The following CSMD1 variants were observed in gnomAD, a reference collection of about 807,000 sequenced individuals.
CSMD1 encodes the protein CUB and sushi domain-containing protein 1.
CSMD1 carries 213 observed loss-of-function variants against 417.5 expected under a neutral mutation model. The ratio of observed to expected loss-of-function variants is 0.51; its 90% CI spans 0.46 to 0.57. The LOEUF (loss-of-function observed/expected upper bound fraction) is 0.57, where lower values mean the gene tolerates loss of function less well. Among genes scored for constraint, CSMD1 ranks in the 20% least tolerant of loss-of-function variants. CSMD1 has a pLI of 0.00. For missense variants in CSMD1, 6,923 were observed against 4,529.7 expected (o/e 1.53, Z -15.17); for synonymous variants, 2,862 against 1,736.8 (o/e 1.65, Z -16.11).
chr8:4,585,908 T>C (rs535683304), intron 2 of CSMD1, among the ~76,000 whole-genome samples: 2 of 152,340 alleles, frequency 1.3e-5, no homozygotes, highest in South Asian at 2.1e-4. Context: ...TGTAAGCTGA[T>C]GGGAAAATTA....
In CSMD1 at chr8:4,553,110, C is replaced by T. The variant is rs537474077; in HGVS notation, c.302+84232G>A. 7.2e-5 allele frequency among the ~76,000 whole-genome samples: 11 copies of T among 152,312 alleles called. No individual in the cohort carries two copies. The East Asian group carries it at 1.2e-3, about 16-fold the overall frequency. On this transcript the variant is annotated intron_variant, in intron 2 of 69. Coordinates refer to ENST00000635120, the MANE Select transcript of CSMD1 (RefSeq NM_033225.6). ...AATTACTTCTTTCAAAGATAGTTTT[C>T]GAGGTACCTATGAGCCCCGTACCTT...
At chr8:3,627,082 G>C (rs1348619956) in intron 7 of CSMD1, among the ~76,000 whole-genome samples, 1 of 152,080 alleles carries the variant, frequency 6.6e-6, no homozygotes, top group Non-Finnish European at 1.5e-5. Context: ...GAATTGCTGT[G>C]ATAGTTTAAC....
intron 4 of CSMD1, among the ~76,000 whole-genome samples, chr8:4,001,196 T>C (rs769339324): frequency 6.6e-6 from 1 of 152,158 alleles, no homozygotes; most frequent in Non-Finnish European, 1.5e-5. Context: ...TACAAGTGTA[T>C]AGAATAAGAA....
At chr8:3,704,200 G>A (rs891406347) in intron 7 of CSMD1, among the ~76,000 whole-genome samples, 5 of 152,192 alleles carry the variant, frequency 3.3e-5, no homozygotes, top group Admixed American at 1.3e-4. Flanking sequence ...CAGCCGGCCT[G>A]AAAAATCACA....
chr8:4,674,349 A>G (rs1022785965), intron 1 of CSMD1, among the ~76,000 whole-genome samples: 4 of 152,160 alleles, frequency 2.6e-5, no homozygotes, highest in East Asian at 1.9e-4. Context: ...ACGCAAGTGG[A>G]AATAGATAGG....
At chr8:4,922,776 A>G (rs1399079319) in intron 1 of CSMD1, among the ~76,000 whole-genome samples, 1 of 152,152 alleles carries the variant, frequency 6.6e-6, no homozygotes. Flanking sequence ...CTACTGAAGG[A>G]CACCAAAGTC....
chr8:4,100,236 T>C (rs946434544), intron 3 of CSMD1, among the ~76,000 whole-genome samples: 7 of 152,196 alleles, frequency 4.6e-5, no homozygotes, highest in African/African-American at 4.8e-5. Flanking sequence ...AGCATACAGA[T>C]GGAAAACAGT....
intron 25 of CSMD1, among the ~76,000 whole-genome samples, chr8:3,295,820 T>A (rs1034084883): frequency 4.6e-5 from 7 of 152,188 alleles, no homozygotes; most frequent in African/African-American, 1.4e-4. Context: ...CCCTGATCAC[T>A]CATAAAGTTG....
At position 3,230,087 on chromosome 8, in the gene CSMD1, T is replaced by C. The variant is rs373735359; in HGVS notation, c.4298A>G (p.Gln1433Arg). 6.2e-7 allele frequency: 1 copy of C among 1,612,910 alleles called. No homozygotes were observed. The highest frequency in any genetic ancestry group is 8.5e-7 in the Non-Finnish European group (1 of 1,179,440). The change falls in exon 27 of 70, where the codon CAG (glutamine) becomes CGG (arginine). Residue 1433 changes from glutamine (Q) to arginine (R), a missense_variant. Physicochemically the swap from Gln to Arg is conservative, Grantham distance 43 (BLOSUM62 1). Transcript: ENST00000635120. ...LQGQAKITCV[Q>R]LNNRFFWQPD... ...TTGCCAAAAGAACCGGTTATTCAGC[T>C]GCACACAGGTGATTTTGGCTTGTCC...
At chr8:4,286,982 C>A (rs927837462) in intron 3 of CSMD1, among the ~76,000 whole-genome samples, 3 of 152,052 alleles carry the variant, frequency 2.0e-5, no homozygotes, top group African/African-American at 7.2e-5. Flanking sequence ...CTGACATCCA[C>A]GCCAAGTAAA....
intron 5 of CSMD1, among the ~76,000 whole-genome samples, chr8:3,754,503 G>A (rs1179763391): frequency 6.6e-6 from 1 of 152,030 alleles, no homozygotes; most frequent in Non-Finnish European, 1.5e-5. Flanking sequence ...CATCCAGGCT[G>A]GAGGGCAGTG....
chr8:4,471,062 T>C (rs1426827465), intron 2 of CSMD1, among the ~76,000 whole-genome samples: 2 of 152,198 alleles, frequency 1.3e-5, no homozygotes, highest in African/African-American at 2.4e-5. Context: ...TCCTCATTAA[T>C]AAATCAGTTA....
chr8:4,304,653 A>G (rs1798149492), intron 3 of CSMD1, among the ~76,000 whole-genome samples: 1 of 152,164 alleles, frequency 6.6e-6, no homozygotes, highest in Non-Finnish European at 1.5e-5. Flanking sequence ...CTCATACCCA[A>G]ATAATGCACC....
At chr8:4,111,417 T>C (rs1037101682) in intron 3 of CSMD1, among the ~76,000 whole-genome samples, 7 of 152,128 alleles carry the variant, frequency 4.6e-5, no homozygotes, top group African/African-American at 1.7e-4. Context: ...TATTATAGAA[T>C]TATTTATATT....
chr8:3,458,921 G>C (rs1261367051), intron 12 of CSMD1, among the ~76,000 whole-genome samples: 2 of 152,184 alleles, frequency 1.3e-5, no homozygotes, highest in Non-Finnish European at 2.9e-5. Context: ...TAGCCACAGG[G>C]AAACATTGGA....
intron 2 of CSMD1, among the ~76,000 whole-genome samples, chr8:4,437,018 T>C (rs1798187862): frequency 6.6e-6 from 1 of 152,170 alleles, no homozygotes; most frequent in South Asian, 2.1e-4. Context: ...ATTCTCTCTA[T>C]CCCTGAGATT....
At chr8:4,527,921 C>A (rs11997928) in intron 2 of CSMD1, among the ~76,000 whole-genome samples, 52,862 of 151,988 alleles carry the variant, frequency 0.35, 10,477 homozygotes, top group Non-Finnish European at 0.45. Context: ...GGCGTGCCTG[C>A]TTCCTGAGGG....
chr8:3,032,484 G>A (rs1030908847), intron 50 of CSMD1, among the ~76,000 whole-genome samples: 1 of 152,016 alleles, frequency 6.6e-6, no homozygotes, highest in Non-Finnish European at 1.5e-5. Flanking sequence ...CTGTCCCAAA[G>A]AATGTCCTTT....
chr8:4,279,786 C>T (rs191700722), intron 3 of CSMD1, among the ~76,000 whole-genome samples: 51 of 152,182 alleles, frequency 3.4e-4, no homozygotes, highest in African/African-American at 1.2e-3. Context: ...ATGGAGGAGG[C>T]CAGGAGTGTT....
Sources: gnomAD v4.1 joint callset for allele counts (sites outside exome capture counted in the v4.1 genomes callset) on GRCh38, gnomAD v4.1.1 for gene constraint, MANE v1.5 for transcripts, NCBI Gene and HGNC (gene_info 2026-07-23, HGNC 2026-07-21) for gene names.